Variants in KIF1B observed in about 807,000 individuals in gnomAD.
KIF1B encodes kinesin-like protein KIF1B.
A neutral mutation model predicts 241.9 loss-of-function variants in KIF1B; 76 were observed. The ratio of observed to expected loss-of-function variants is 0.31; its 90% CI spans 0.26 to 0.38. The LOEUF (loss-of-function observed/expected upper bound fraction) is 0.38. Ranked by LOEUF, KIF1B falls within the 10% of genes least tolerant of loss-of-function variation. The pLI is 1.00. For synonymous variants in KIF1B, 750 were observed against 796.7 expected (o/e 0.94, Z 0.99); for missense variants, 1,622 against 2,271.4 (o/e 0.71, Z 5.81).
chr1:10,221,065 C>G, intron 1 of KIF1B, among the ~76,000 whole-genome samples: 1 of 133,642 alleles, frequency 7.5e-6, no homozygotes, highest in East Asian at 2.2e-4. Context: ...TAGTCTGATT[C>G]TTGGATTGGG....
At chr1:10,243,374 G>A (rs191275909) in intron 2 of KIF1B, among the ~76,000 whole-genome samples, 8 of 152,312 alleles carry the variant, frequency 5.3e-5, no homozygotes, top group Non-Finnish European at 1.0e-4. Context: ...AGCCAAGTTC[G>A]TGCCACTGCA....
chr1:10,337,382 A>G lies in KIF1B; in HGVS notation c.3271A>G (p.Ser1091Gly), dbSNP rs753279755. The G allele has an allele frequency of 3.1e-6, 5 of 1,614,232 alleles. No homozygotes were observed. Among genetic ancestry groups the G allele is most frequent in the Admixed American group, 1.7e-5 (1 of 60,022 alleles). ...SRINDLDLKSSTLLDGKMVME... is the reference protein window; with the variant it reads ...SRINDLDLKSGTLLDGKMVME... ...TTGACCCTCTTTAGATTTGAAGTCA[A>G]GCACTTTGCTGGATGGTAAGATGGT... Residue 1091 changes from serine to glycine, a missense_variant, in exon 31 of 49, where the codon AGC becomes GGC. By Grantham distance (56) the Ser-to-Gly change is moderately conservative. This residue lies in a region of KIF1B where 803 missense variants were observed against 1,112.0 expected (regional missense o/e 0.72). Transcript: ENST00000676179. The surrounding 1 kb of genome is among the most constrained non-coding windows in gnomAD (Gnocchi z 4.0).
chr1:10,306,649 C>T, intron 22 of KIF1B: 1 of 644,092 alleles, frequency 1.6e-6, no homozygotes, highest in East Asian at 6.2e-5. Context: ...GAACCCAGCC[C>T]AGGTTGGAAA....
chr1:10,352,239 G>A (rs1036266249), intron 37 of KIF1B, among the ~76,000 whole-genome samples: 2 of 149,668 alleles, frequency 1.3e-5, no homozygotes, highest in South Asian at 2.2e-4. Context: ...GGATTGGAAC[G>A]GGGAGGTGTG....
chr1:10,348,726 G>A lies in KIF1B; in HGVS notation c.3942G>A (p.Leu1314=), dbSNP rs374873963. ...SELHWKDVRE[L]VVGRIRNKPE... is the part of the protein sequence containing the mutation. ...TCCATTGGAAAGATGTTCGTGAACT[G>A]GTGGTAGGTGAGTACGTTTCATCAG... Residue 1314 remains leucine (L), a synonymous_variant, in exon 37 of 49, where the codon CTG becomes CTA. Coordinates refer to ENST00000676179, the MANE Select transcript of KIF1B (RefSeq NM_001365951.3). The A allele has an allele frequency of 6.2e-7, 1 of 1,613,342 alleles. No individual in the cohort carries two copies. Among genetic ancestry groups the A allele is most frequent in the African/African-American group, 1.3e-5 (1 of 74,904 alleles).
chr1:10,211,995 G>A (rs1489956415), intron 1 of KIF1B, among the ~76,000 whole-genome samples: 1 of 152,174 alleles, frequency 6.6e-6, no homozygotes, highest in Non-Finnish European at 1.5e-5. Context: ...GGCGAGGCTA[G>A]TGGCGGCATT....
At chr1:10,316,174 A>G (rs1228571780) in intron 22 of KIF1B, among the ~76,000 whole-genome samples, 1 of 151,218 alleles carries the variant, frequency 6.6e-6, no homozygotes, top group Non-Finnish European at 1.5e-5. Context: ...TCAAGGTTAT[A>G]GTGAGCTATG....
chr1:10,282,826 A>T (rs1332197722), intron 15 of KIF1B, among the ~76,000 whole-genome samples: 1 of 152,212 alleles, frequency 6.6e-6, no homozygotes, highest in Non-Finnish European at 1.5e-5. Flanking sequence ...ATCAAGTTAC[A>T]GTGTAATTGT....
At chr1:10,248,555 C>T (rs1170641897) in intron 2 of KIF1B, among the ~76,000 whole-genome samples, 1 of 152,112 alleles carries the variant, frequency 6.6e-6, no homozygotes, top group Non-Finnish European at 1.5e-5. Context: ...CCCTGCAACA[C>T]CAGATACTGG....
intron 3 of KIF1B, among the ~76,000 whole-genome samples, chr1:10,257,309 C>CA (rs70997215): frequency 2.2e-5 from 3 of 138,876 alleles, no homozygotes; most frequent in Non-Finnish European, 4.6e-5. Context: ...CTAAAAATTC[C>CA]AAAAAAAAAA....
chr1:10,306,431 C>T (rs992438291), intron 22 of KIF1B: 1 of 1,000,116 alleles, frequency 1.0e-6, no homozygotes, highest in Non-Finnish European at 1.2e-6. Context: ...CCTTTCTATA[C>T]ACAATTTATT....
rs115904989 is a variant in KIF1B, at chr1:10,291,831, T to G, written c.1515-216T>G. On this transcript the variant is annotated intron_variant, in intron 16 of 48. Coordinates refer to ENST00000676179, the MANE Select transcript of KIF1B (RefSeq NM_001365951.3). ...AGTTCTTATCTCAGTGAATATAACT[T>G]TAACAAAGCAAGATTTCATTGATTT... 0.017 allele frequency among the ~76,000 whole-genome samples: 2,618 copies of G among 152,290 alleles called. 82 individuals are homozygous for G. The highest frequency in any genetic ancestry group is 0.06 in the African/African-American group (2,475 of 41,550).
intron 12 of KIF1B, among the ~76,000 whole-genome samples, chr1:10,277,649 T>A (rs1484792302): frequency 1.3e-5 from 2 of 152,204 alleles, no homozygotes; most frequent in Admixed American, 1.3e-4. Flanking sequence ...TGTATTTTTT[T>A]ATGTATGAGT....
In KIF1B at chr1:10,296,066, T is replaced by C. The variant is rs111758520; in HGVS notation, c.1777+300T>C. Among the ~76,000 whole-genome samples the C allele has an allele frequency of 4.9e-3, 746 of 152,314 alleles. 7 individuals are homozygous for C. Among genetic ancestry groups the C allele is most frequent in the African/African-American group, 0.017 (703 of 41,586 alleles). On this transcript the variant is annotated intron_variant, in intron 19 of 48. Coordinates refer to ENST00000676179, the MANE Select transcript of KIF1B (RefSeq NM_001365951.3). ...GTAAGAAAATAGCAGATATCCTGGG[T>C]AATAGGAGATTTGAAGGACATTAAG... is the stretch of plus-strand genomic sequence containing the variant.
intron 22 of KIF1B, among the ~76,000 whole-genome samples, chr1:10,316,116 C>T (rs1651294771): frequency 6.7e-6 from 1 of 150,326 alleles, no homozygotes; most frequent in African/African-American, 2.5e-5. Context: ...TCTTGTAGTC[C>T]CAGCTACTTG....
chr1:10,282,983 G>A (rs1196986808), intron 15 of KIF1B, among the ~76,000 whole-genome samples: 3 of 152,038 alleles, frequency 2.0e-5, no homozygotes, highest in Non-Finnish European at 4.4e-5. Flanking sequence ...GAGGCGGGGT[G>A]GATCACGAGG....
intron 13 of KIF1B, among the ~76,000 whole-genome samples, 191 bp downstream of exon 13, chr1:10,278,319 T>C (rs1367283335): frequency 6.6e-6 from 1 of 152,228 alleles, no homozygotes; most frequent in African/African-American, 2.4e-5. Context: ...GATTCCTTTA[T>C]GTAATGTGTA....
chr1:10,306,889 A>T, intron 22 of KIF1B: 1 of 1,045,748 alleles, frequency 9.6e-7, no homozygotes, highest in Non-Finnish European at 1.2e-6. Flanking sequence ...TTTCATTCTT[A>T]CAGTGGTCTT....
At chr1:10,310,174 A>G (rs1246242486) in intron 22 of KIF1B, among the ~76,000 whole-genome samples, 1 of 151,624 alleles carries the variant, frequency 6.6e-6, no homozygotes, top group Admixed American at 6.6e-5. Context: ...TAAATCCATA[A>G]CCTGGAAGAG....
Sources: gnomAD v4.1 joint callset for allele counts (sites outside exome capture counted in the v4.1 genomes callset) on GRCh38, gnomAD v4.1.1 for gene constraint, gnomAD v4.1.1 regional missense constraint, Gnocchi (gnomAD v3.1) non-coding constraint, MANE v1.5 for transcripts, NCBI Gene and HGNC (gene_info 2026-07-23, HGNC 2026-07-21) for gene names.